The following COL11A1 variants were observed in gnomAD, a reference collection of about 807,000 sequenced individuals.
The protein encoded by COL11A1 is collagen type XI alpha 1 chain.
Under a neutral mutation model 265.2 loss-of-function variants are expected in COL11A1, and 74 were observed. The observed-to-expected ratio is 0.28, with a 90% confidence interval of 0.23 to 0.34. The LOEUF is 0.34. Ranked by LOEUF, COL11A1 falls within the 10% of genes least tolerant of loss-of-function variation. The pLI is 1.00. For missense variants in COL11A1, 2,165 were observed against 2,263.6 expected (o/e 0.96, Z 0.88); for synonymous variants, 816 against 727.6 (o/e 1.12, Z -1.96).
intron 11 of COL11A1, among the ~76,000 whole-genome samples, chr1:103,016,047 T>A (rs1332850920): frequency 1.3e-5 from 2 of 151,992 alleles, no homozygotes; most frequent in Non-Finnish European, 2.9e-5. Flanking sequence ...GAAAGTAATG[T>A]GAGAAAAACA....
At chr1:102,925,656 T>G (rs962770568) in intron 46 of COL11A1, among the ~76,000 whole-genome samples, 1 of 152,112 alleles carries the variant, frequency 6.6e-6, no homozygotes, top group African/African-American at 2.4e-5. Context: ...TCAGATCTTA[T>G]AGACCTAAAA....
At chr1:102,902,515 T>C (rs1653341338) in intron 54 of COL11A1, among the ~76,000 whole-genome samples, 1 of 152,010 alleles carries the variant, frequency 6.6e-6, no homozygotes, top group South Asian at 2.1e-4. Context: ...AGCTTAAAAA[T>C]AAATAAATTT....
At position 102,987,717 on chromosome 1, in the gene COL11A1, T is replaced by C; in HGVS notation, c.2418A>G (p.Pro806=). Residue 806 remains proline, a synonymous_variant, in exon 30 of 67, where the codon CCA becomes CCG. Transcript: ENST00000370096. ...GTCCTTCAGGGCCATCTTCCCCTCT[T>C]GGGCCAATTTGACCAACTTCTCCCT... ...GDRGEVGQIG[P]RGEDGPEGPK... The C allele has an allele frequency of 6.2e-7, 1 of 1,613,534 alleles. No homozygotes were observed.
At chr1:102,906,442 CTGT>C (rs1295216086) in intron 54 of COL11A1, among the ~76,000 whole-genome samples, 2 of 152,114 alleles carry the variant, frequency 1.3e-5, no homozygotes, top group African/African-American at 4.8e-5. Context: ...GGGTCTCCCT[CTGT>C]TGTTCAGATT....
At chr1:103,063,703 A>C (rs766497197) in intron 4 of COL11A1, among the ~76,000 whole-genome samples, 1 of 152,194 alleles carries the variant, frequency 6.6e-6, no homozygotes, top group African/African-American at 2.4e-5. Flanking sequence ...GAATTTATTG[A>C]TAATCTAGGC....
intron 58 of COL11A1, 127 bp downstream of exon 58, chr1:102,890,324 C>T (rs1186662080): frequency 1.4e-5 from 12 of 852,524 alleles, no homozygotes; most frequent in Non-Finnish European, 2.2e-5. Flanking sequence ...AGGATTGAAG[C>T]TTTTTTCAGG....
At chr1:102,900,509 G>T (rs1355871533) in intron 54 of COL11A1, among the ~76,000 whole-genome samples, 1 of 152,012 alleles carries the variant, frequency 6.6e-6, no homozygotes, top group Non-Finnish European at 1.5e-5. Flanking sequence ...CTTATTCAAT[G>T]ACAGTTTTTC....
chr1:102,883,757 G>A (rs1487523556), intron 63 of COL11A1, among the ~76,000 whole-genome samples: 1 of 151,874 alleles, frequency 6.6e-6, no homozygotes. Context: ...TAACAGTGGA[G>A]GTGATATCGT....
At chr1:103,047,261 T>A (rs138938815) in intron 4 of COL11A1, among the ~76,000 whole-genome samples, 1 of 152,188 alleles carries the variant, frequency 6.6e-6, no homozygotes, top group Non-Finnish European at 1.5e-5. Context: ...CTTCCATTTG[T>A]TTGTATCCTC....
At chr1:103,023,171 T>C (rs1667239478) in intron 7 of COL11A1, among the ~76,000 whole-genome samples, 175 bp from the exon 8 acceptor site, 2 of 152,206 alleles carry the variant, frequency 1.3e-5, no homozygotes, top group African/African-American at 4.8e-5. Context: ...AATATATTTG[T>C]ACATTGCTAT....
At chr1:102,951,524 T>A (rs995587328) in intron 41 of COL11A1, among the ~76,000 whole-genome samples, 4 of 152,042 alleles carry the variant, frequency 2.6e-5, no homozygotes, top group Non-Finnish European at 4.4e-5. Flanking sequence ...GGTGAAACCC[T>A]GTCTCTACCA....
chr1:102,958,967 G>A (rs1368358566), intron 41 of COL11A1, among the ~76,000 whole-genome samples: 1 of 152,030 alleles, frequency 6.6e-6, no homozygotes, highest in Non-Finnish European at 1.5e-5. Flanking sequence ...TGTCCTCACT[G>A]CCCACATCAA....
At chr1:103,026,191 T>C (rs753592388) in intron 6 of COL11A1, 25 bp downstream of exon 6, 5 of 1,501,976 alleles carry the variant, frequency 3.3e-6, no homozygotes, top group South Asian at 2.3e-5. Flanking sequence ...GGACACCACA[T>C]ACACAGGCAC....
At chr1:102,902,760 T>A (rs1246442598) in intron 54 of COL11A1, among the ~76,000 whole-genome samples, 1 of 151,460 alleles carries the variant, frequency 6.6e-6, no homozygotes, top group Non-Finnish European at 1.5e-5. Flanking sequence ...AAGGACTTTG[T>A]AAAAGAAAAT....
At chr1:102,949,709 C>T (rs557884679) in intron 41 of COL11A1, among the ~76,000 whole-genome samples, 1 of 152,182 alleles carries the variant, frequency 6.6e-6, no homozygotes, top group Non-Finnish European at 1.5e-5. Flanking sequence ...TAATTCACTA[C>T]CAAGTATTTT....
chr1:103,087,323 TA>T (rs1487730961), intron 1 of COL11A1, among the ~76,000 whole-genome samples: 1 of 152,342 alleles, frequency 6.6e-6, no homozygotes, highest in East Asian at 1.9e-4. Flanking sequence ...AATGTGCTAC[TA>T]AAATAGCCAC....
chr1:102,921,140 C>A (rs1655946288), intron 48 of COL11A1, among the ~76,000 whole-genome samples: 1 of 152,222 alleles, frequency 6.6e-6, no homozygotes, highest in Middle Eastern at 3.4e-3. Context: ...TCTGAAAATA[C>A]AAAATGCAAA....
At chr1:103,054,917 GA>G (rs1361648296) in intron 4 of COL11A1, among the ~76,000 whole-genome samples, 10 of 151,870 alleles carry the variant, frequency 6.6e-5, no homozygotes, top group Admixed American at 2.6e-4. Flanking sequence ...AAATTAAAAA[GA>G]AAAAAAGCAA....
intron 49 of COL11A1, among the ~76,000 whole-genome samples, chr1:102,917,058 A>C (rs919469194): frequency 7.9e-5 from 12 of 151,774 alleles, no homozygotes; most frequent in South Asian, 2.1e-4. Flanking sequence ...TAGAAAAAAA[A>C]CCTAAAATTC....
Sources: gnomAD v4.1 joint callset for allele counts (sites outside exome capture counted in the v4.1 genomes callset) on GRCh38, gnomAD v4.1.1 for gene constraint, MANE v1.5 for transcripts, NCBI Gene and HGNC (gene_info 2026-07-23, HGNC 2026-07-21) for gene names.